Variants in KHDRBS2 observed in about 807,000 individuals in gnomAD.
KHDRBS2 encodes KH domain-containing, RNA-binding, signal transduction-associated protein 2.
Under a neutral mutation model 44.3 loss-of-function variants are expected in KHDRBS2, and 26 were observed. The observed-to-expected ratio is 0.59, with a 90% CI of 0.43 to 0.81. The LOEUF is 0.81. Among genes scored for constraint, KHDRBS2 ranks in the 40% least tolerant of loss-of-function variants. The pLI, the probability that KHDRBS2 is intolerant of heterozygous loss-of-function variation, is 0.00. For missense variants in KHDRBS2, 476 were observed against 433.1 expected (o/e 1.10, Z -0.88); for synonymous variants, 194 against 151.1 (o/e 1.28, Z -2.08).
At chr6:62,015,196 T>A (rs986252878) in intron 3 of KHDRBS2, among the ~76,000 whole-genome samples, 9 of 152,204 alleles carry the variant, frequency 5.9e-5, no homozygotes, top group Non-Finnish European at 1.3e-4. Flanking sequence ...AGTATACTTA[T>A]AGATTAATAC....
At chr6:62,099,898 T>C (rs1035509813) in intron 2 of KHDRBS2, among the ~76,000 whole-genome samples, 2 of 152,204 alleles carry the variant, frequency 1.3e-5, no homozygotes, top group Admixed American at 1.3e-4. Context: ...ATTCTACAGT[T>C]CATGGATCAA....
chr6:61,552,926 C>G, the KHDRBS2 span, among the ~76,000 whole-genome samples: 20 of 152,182 alleles, frequency 1.3e-4, no homozygotes, highest in African/African-American at 4.1e-4. Context: ...ATTTTTGCAT[C>G]TATGTTCATC....
At chr6:61,570,450 G>A in the KHDRBS2 span, among the ~76,000 whole-genome samples, 3,129 of 152,036 alleles carry the variant, frequency 0.021, 61 homozygotes, top group Non-Finnish European at 0.035. Context: ...AATAACTGTT[G>A]TTCCTGAAAA....
chr6:61,549,570 G>A, the KHDRBS2 span, among the ~76,000 whole-genome samples: 2 of 152,096 alleles, frequency 1.3e-5, no homozygotes, highest in African/African-American at 4.8e-5. Flanking sequence ...GGATCCTCCT[G>A]TTTGGTTCTG....
chr6:62,273,590 A>T (rs1840433213), intron 1 of KHDRBS2, among the ~76,000 whole-genome samples: 1 of 152,132 alleles, frequency 6.6e-6, no homozygotes, highest in Non-Finnish European at 1.5e-5. Flanking sequence ...GTTATTCCTC[A>T]GAGTTTTATC....
intron 2 of KHDRBS2, among the ~76,000 whole-genome samples, chr6:62,136,885 G>A (rs1811641158): frequency 6.6e-6 from 1 of 151,650 alleles, no homozygotes; most frequent in Non-Finnish European, 1.5e-5. Context: ...CATTCGCAAA[G>A]TTGGCTTTGT....
intron 1 of KHDRBS2, among the ~76,000 whole-genome samples, chr6:62,205,604 G>A (rs1827812303): frequency 6.6e-6 from 1 of 152,046 alleles, no homozygotes; most frequent in East Asian, 1.9e-4. Context: ...TGATGGTCAG[G>A]ACACAGGAAA....
intron 1 of KHDRBS2, among the ~76,000 whole-genome samples, chr6:62,187,515 A>T (rs973911015): frequency 1.3e-5 from 2 of 152,154 alleles, no homozygotes; most frequent in Non-Finnish European, 2.9e-5. Context: ...GATATTTTTT[A>T]AAAGTTTTAC....
chr6:62,257,351 C>G (rs1483232402), intron 1 of KHDRBS2, among the ~76,000 whole-genome samples: 1 of 152,022 alleles, frequency 6.6e-6, no homozygotes, highest in African/African-American at 2.4e-5. Flanking sequence ...GTGCTATACA[C>G]ACTGATTCCT....
At position 62,042,678 on chromosome 6, in the gene KHDRBS2, C is replaced by T. The variant is rs188884074; in HGVS notation, c.336+5200G>A. Among the ~76,000 whole-genome samples, 38 of 152,166 alleles carry T rather than the reference C, an allele frequency of 2.5e-4. 1 individual carries two copies. Among genetic ancestry groups the T allele is most frequent in the African/African-American group, 6.3e-4 (26 of 41,552 alleles). On this transcript the variant is annotated intron_variant, in intron 3 of 8. Transcript: ENST00000281156. ...ACACCCATATTGCCCACTAGGCAGC[C>T]ACATCTCTTTGAAGGTTTTTTGTTG... is the stretch of plus-strand genomic sequence containing the variant.
intron 6 of KHDRBS2, among the ~76,000 whole-genome samples, chr6:61,738,302 G>A (rs1775680033): frequency 6.6e-6 from 1 of 151,848 alleles, no homozygotes; most frequent in South Asian, 2.1e-4. Context: ...CAGATGATTT[G>A]ATATCTCCCA....
chr6:61,786,867 T>A (rs1447223030), intron 6 of KHDRBS2, among the ~76,000 whole-genome samples: 1 of 151,828 alleles, frequency 6.6e-6, no homozygotes, highest in African/African-American at 2.4e-5. Context: ...TAGAATTGTT[T>A]AGCACAGGGA....
At chr6:61,872,665 A>G (rs977647314) in intron 6 of KHDRBS2, among the ~76,000 whole-genome samples, 1 of 152,182 alleles carries the variant, frequency 6.6e-6, no homozygotes, top group Admixed American at 6.5e-5. Context: ...GATATCATAA[A>G]GACGTTAATT....
At chr6:61,975,023 T>A (rs1772266932) in intron 4 of KHDRBS2, among the ~76,000 whole-genome samples, 1 of 151,934 alleles carries the variant, frequency 6.6e-6, no homozygotes, top group Non-Finnish European at 1.5e-5. Flanking sequence ...AGGCTGGAAA[T>A]TTTCCCCAAG....
chr6:62,068,996 C>T (rs1303326250), intron 2 of KHDRBS2, among the ~76,000 whole-genome samples: 2 of 151,426 alleles, frequency 1.3e-5, no homozygotes, highest in Non-Finnish European at 3.0e-5. Flanking sequence ...CTTAAAATTT[C>T]ATGATTGGCT....
In KHDRBS2 at chr6:62,105,072, A is replaced by C. The variant is rs1317058948; in HGVS notation, c.220-57078T>G. On this transcript the variant is annotated intron_variant, in intron 2 of 8. Transcript: ENST00000281156. ...CAAATTCATTGAAAAACAAACAACC[A>C]TTCTCAACAGGAAGAAAATGATCAT... 3.3e-5 allele frequency among the ~76,000 whole-genome samples: 5 copies of C among 152,262 alleles called. No individual in the cohort carries two copies. The South Asian group carries it at 8.3e-4, about 25-fold the overall frequency.
the KHDRBS2 span, among the ~76,000 whole-genome samples, chr6:61,628,139 C>G: frequency 2.7e-5 from 4 of 150,002 alleles, no homozygotes; most frequent in African/African-American, 9.8e-5. Context: ...GTCAGCCATG[C>G]AGTCTAATTT....
intron 2 of KHDRBS2, among the ~76,000 whole-genome samples, chr6:62,093,590 G>A (rs933937221): frequency 6.6e-6 from 1 of 151,752 alleles, no homozygotes; most frequent in African/African-American, 2.4e-5. Flanking sequence ...TGGAACACCA[G>A]AATTTATTCT....
At chr6:61,774,048 C>A (rs1465020380) in intron 6 of KHDRBS2, among the ~76,000 whole-genome samples, 1 of 152,094 alleles carries the variant, frequency 6.6e-6, no homozygotes, top group Non-Finnish European at 1.5e-5. Flanking sequence ...TTACTGTAGC[C>A]TTGTAGTATA....
Sources: gnomAD v4.1 joint callset for allele counts (sites outside exome capture counted in the v4.1 genomes callset) on GRCh38, gnomAD v4.1.1 for gene constraint, MANE v1.5 for transcripts, NCBI Gene and HGNC (gene_info 2026-07-23, HGNC 2026-07-21) for gene names.